PTCH2: variants seen among roughly 807,000 people sequenced by gnomAD.
The protein encoded by PTCH2 is protein patched homolog 2.
Under a neutral mutation model 117.9 loss-of-function variants are expected in PTCH2, and 96 were observed. The observed-to-expected ratio is 0.81, with a 90% confidence interval of 0.69 to 0.96. The LOEUF is 0.96. Among genes scored for constraint, PTCH2 ranks in the 50% least tolerant of loss-of-function variants. The pLI, the probability that PTCH2 is intolerant of heterozygous loss-of-function variation, is 0.00. For missense variants in PTCH2, 1,379 were observed against 1,562.5 expected, an observed-to-expected ratio of 0.88 and a Z score of 1.98; for synonymous variants, 615 against 660.9, an observed-to-expected ratio of 0.93 and a Z score of 1.06.
chr1:44,830,696 A>G (rs1026804148), intron 6 of PTCH2, 152 bp downstream of exon 6: 1 of 683,528 alleles, frequency 1.5e-6, no homozygotes, highest in Admixed American at 3.5e-5. Context: ...GGAATGGAAC[A>G]TTGGGGGCCT....
In PTCH2 at chr1:44,827,902, T is replaced by A; in HGVS notation, c.1999A>T (p.Asn667Tyr). ...ACKSLPCARWNLAHFARYQFA... is the reference protein window; with the variant it reads ...ACKSLPCARWYLAHFARYQFA... Reference sequence around the variant, plus strand: ...TGATAGCGGGCGAAATGGGCAAGATTCCAGCGGGCACAGGGCAGGGACTTG... The same window carrying A: ...TGATAGCGGGCGAAATGGGCAAGATACCAGCGGGCACAGGGCAGGGACTTG... Residue 667 changes from asparagine (N) to tyrosine (Y), a missense_variant, in exon 14 of 22, where the codon AAT becomes TAT. Transcript: ENST00000372192. The A allele has an allele frequency of 6.2e-7, 1 of 1,614,178 alleles. No individual in the cohort carries two copies. The highest frequency in any genetic ancestry group is 8.5e-7 in the Non-Finnish European group (1 of 1,180,022).
In PTCH2 at chr1:44,826,964, A is replaced by G; in HGVS notation, c.2633T>C (p.Phe878Ser). The G allele has an allele frequency of 6.2e-7, 1 of 1,613,984 alleles. No homozygotes were observed. Among genetic ancestry groups the G allele is most frequent in the Non-Finnish European group, 8.5e-7 (1 of 1,179,998 alleles). ...PLGLAASQAN[F>S]YPPPPEWLHD... ...CAGCCATTCAGGAGGTGGGGGGTAG[A>G]AGTTGGCCTGTGAGGCTGCCAGACC... The change falls in exon 17 of 22, where the codon TTC becomes TCC. Residue 878 changes from phenylalanine to serine, a missense_variant. Phe to Ser is a radical substitution (Grantham distance 155). Transcript: ENST00000372192. This position sits in a 1 kb window ranked among gnomAD's most constrained non-coding sequence, Gnocchi z 5.1.
chr1:44,820,658 G>A (rs371688861), downstream of PTCH2: 40 of 715,796 alleles, frequency 5.6e-5, no homozygotes, highest in Non-Finnish European at 7.0e-5. Flanking sequence ...CCGTGTGTCT[G>A]ATGAGGGGGT....
Position 44,829,279 on chromosome 1 carries a change from C to T in PTCH2, c.1249G>A (p.Asp417Asn), listed in dbSNP as rs761287762. 1.2e-6 allele frequency: 2 copies of T among 1,613,532 alleles called. No individual in the cohort carries two copies. Among genetic ancestry groups the T allele is most frequent in the Non-Finnish European group, 1.7e-6 (2 of 1,179,984 alleles). ...ACGGAACCCTGGGACTGGGCGCAGTCCCACCGCAGCATGGTCACACAGGCA... is the reference window on the plus strand; with the variant it reads ...ACGGAACCCTGGGACTGGGCGCAGTTCCACCGCAGCATGGTCACACAGGCA... ...AYACVTMLRW[D>N]CAQSQGSVGL... The change falls in exon 10 of 22, where the codon GAC (aspartate) becomes AAC (asparagine). Residue 417 changes from aspartate to asparagine, a missense_variant. By Grantham distance (23) the Asp-to-Asn change is conservative (BLOSUM62 1). Transcript: ENST00000372192.
rs757012124 is a variant in PTCH2 at position 44,832,154 on chromosome 1, C to A, written c.453G>T (p.Gly151=). The change falls in exon 3 of 22, where the codon GGG becomes GGT. Residue 151 remains glycine (G), a splice_region_variant and synonymous_variant. Coordinates refer to ENST00000372192, the MANE Select transcript of PTCH2 (RefSeq NM_003738.5). The part of the protein sequence containing the change: ...TASKVQVSLY[G]KSWDLNKICY... ...CTCAGGGGCTCAGCCAGACTCACTT[C>A]CCATAGAGTGATACTTGGACTTTAC... 14 of 1,614,044 alleles carry A rather than the reference C, an allele frequency of 8.7e-6. No homozygotes were observed. The highest frequency in any genetic ancestry group is 1.1e-5 in the Non-Finnish European group (13 of 1,180,048).
chr1:44,828,880 G>C, intron 11 of PTCH2, 102 bp downstream of exon 11: 2 of 1,323,926 alleles, frequency 1.5e-6, no homozygotes, highest in Non-Finnish European at 2.1e-6. Context: ...ATGGGGACAA[G>C]AGGCACCGAG....
In PTCH2 at chr1:44,829,018, A is replaced by G; in HGVS notation, c.1428T>C (p.His476=). The G allele has an allele frequency of 6.3e-7, 1 of 1,576,698 alleles. No homozygotes were observed. Among genetic ancestry groups the G allele is most frequent in the Non-Finnish European group, 8.6e-7 (1 of 1,160,804 alleles). The stretch of plus-strand genomic sequence containing the variant: ...TGCCAGGCAGAGCCTCTGTGAAGGC[A>G]TGCGCCAGCAGGAATACGTCATCCA... ...IGVDDVFLLA[H]AFTEALPGTP... is the part of the protein sequence containing the mutation. Residue 476 remains histidine (H), a synonymous_variant, in exon 11 of 22, where the codon CAT becomes CAC. Coordinates refer to ENST00000372192, the MANE Select transcript of PTCH2 (RefSeq NM_003738.5).
chr1:44,820,736 G>A, downstream of PTCH2: 1 of 718,252 alleles, frequency 1.4e-6, no homozygotes, highest in Non-Finnish European at 2.6e-6. Context: ...GGCTTAGTGA[G>A]GCTGGCTAAC....
Position 44,829,391 on chromosome 1 carries a change from G to A in PTCH2, c.1215+11C>T. 1 of 1,614,152 alleles carries A rather than the reference G, an allele frequency of 6.2e-7. No individual in the cohort carries two copies. The highest frequency in any genetic ancestry group is 8.5e-7 in the Non-Finnish European group (1 of 1,180,024). On this transcript the variant is annotated intron_variant, in intron 9 of 21. Transcript: ENST00000372192. ...GTGGGGTGGGGGCAAGGTGCCAGGT[G>A]CAAGACCCACCATGAGCAGATAGCC...
rs547735253 is a variant in PTCH2, at chr1:44,831,777, C to T, written c.546G>A (p.Pro182=). 20 of 1,599,904 alleles carry T rather than the reference C, an allele frequency of 1.3e-5. No individual in the cohort carries two copies. The highest frequency in any genetic ancestry group is 1.0e-4 in the South Asian group (9 of 89,480). Residue 182 remains proline, a synonymous_variant, in exon 5 of 22, where the codon CCG becomes CCA. Coordinates refer to ENST00000372192, the MANE Select transcript of PTCH2 (RefSeq NM_003738.5). This position sits in a 1 kb window ranked among gnomAD's most constrained non-coding sequence, Gnocchi z 4.3. ...MIERMIEKLF[P]CVILTPLDCF... ...AGTCGAGGGGGGTGAGGATCACGCA[C>T]GGAAACAGCTTCTCAATCATCTGCC...
intron 2 of PTCH2, among the ~76,000 whole-genome samples, chr1:44,837,179 C>A (rs902688595): frequency 3.3e-5 from 5 of 152,160 alleles, no homozygotes; most frequent in Admixed American, 6.5e-5. Context: ...AATCTTCTTT[C>A]TTCCTTCTTC....
downstream of PTCH2, chr1:44,820,057 G>A (rs974632197): frequency 1.8e-5 from 4 of 223,098 alleles, no homozygotes; most frequent in African/African-American, 9.3e-5. Flanking sequence ...ACTTATGGTT[G>A]TTGGATGCCT....
chr1:44,837,360 T>C (rs1653733721), intron 2 of PTCH2, among the ~76,000 whole-genome samples: 1 of 152,114 alleles, frequency 6.6e-6, no homozygotes, highest in Admixed American at 6.6e-5. Context: ...GTTCAAGTGA[T>C]CTCCTGCCTC....
chr1:44,842,372 C>T (rs1478943532), intron 1 of PTCH2, among the ~76,000 whole-genome samples: 2 of 150,216 alleles, frequency 1.3e-5, no homozygotes, highest in Non-Finnish European at 3.0e-5. Flanking sequence ...CTCCGCCTCC[C>T]AGGTTCAAGA....
chr1:44,822,038 G>T lies in PTCH2; in HGVS notation c.*377C>A. On this transcript the variant is annotated 3_prime_UTR_variant, in exon 22 of 22. Coordinates refer to ENST00000372192, the MANE Select transcript of PTCH2 (RefSeq NM_003738.5). ...AAATAGACATTTTCATATAAATAAT[G>T]GATGTGGTAGGAGGTGGGCAGGGAT... 7.5e-7 allele frequency: 1 copy of T among 1,338,116 alleles called. No homozygotes were observed. The highest frequency in any genetic ancestry group is 9.7e-7 in the Non-Finnish European group (1 of 1,029,448). 82.9% of individuals were successfully genotyped at this position (1,338,116 alleles called of 1,614,324 possible). A position where few individuals can be genotyped will look rare whatever the true frequency, so the allele number is the denominator to read the frequency against.
intron 1 of PTCH2, 52 bp downstream of exon 1, chr1:44,842,809 G>A (rs1654012411): frequency 2.0e-6 from 3 of 1,495,696 alleles, no homozygotes; most frequent in Middle Eastern, 1.7e-4. Flanking sequence ...AGAGGCCCGA[G>A]TGACAGACCT....
rs938188428 is a variant in PTCH2, at chr1:44,823,806, G to C, written c.3115-421C>G. Reference sequence around the variant, plus strand: ...ATACAAAAATTAGCTGGGTGTGGTTGTGTGTGCCTGTAGTCTCAGCTACTT... The same window carrying C: ...ATACAAAAATTAGCTGGGTGTGGTTCTGTGTGCCTGTAGTCTCAGCTACTT... On this transcript the variant is annotated intron_variant, in intron 19 of 21. Coordinates refer to ENST00000372192, the MANE Select transcript of PTCH2 (RefSeq NM_003738.5). The surrounding 1 kb of genome is among the most constrained non-coding windows in gnomAD (Gnocchi z 5.1). 1.3e-5 allele frequency among the ~76,000 whole-genome samples: 2 copies of C among 152,142 alleles called. No homozygotes were observed. The highest frequency in any genetic ancestry group is 6.5e-5 in the Admixed American group (1 of 15,270).
At chr1:44,827,753 G>GC (rs1046571682) in intron 14 of PTCH2, 39 bp from the exon 15 acceptor site, 1 of 1,611,030 alleles carries the variant, frequency 6.2e-7, no homozygotes, top group Non-Finnish European at 8.5e-7. Context: ...CCCCAGGGCT[G>GC]CCCCCAGCCC....
At position 44,828,395 on chromosome 1, in the gene PTCH2, C is replaced by G; in HGVS notation, c.1610G>C (p.Cys537Ser). 1 of 1,614,156 alleles carries G rather than the reference C, an allele frequency of 6.2e-7. No homozygotes were observed. Among genetic ancestry groups the G allele is most frequent in the Non-Finnish European group, 8.5e-7 (1 of 1,180,032 alleles). Residue 537 changes from cysteine (C) to serine (S), a missense_variant, in exon 13 of 22, where the codon TGC (cysteine) becomes TCC (serine). Coordinates refer to ENST00000372192, the MANE Select transcript of PTCH2 (RefSeq NM_003738.5). ...GACAAGCATCACGGCTACAAAGGTG[C>G]AGCCAACCACTATGGCCGCCTGGGG... ...FSLQAAIVVG[C>S]TFVAVMLVFP...
Sources: gnomAD v4.1 joint callset for allele counts (sites outside exome capture counted in the v4.1 genomes callset) on GRCh38, gnomAD v4.1.1 for gene constraint, Gnocchi (gnomAD v3.1) non-coding constraint, MANE v1.5 for transcripts, NCBI Gene and HGNC (gene_info 2026-07-23, HGNC 2026-07-21) for gene names.